Variants in DNM3 observed in about 807,000 individuals in gnomAD.
The protein encoded by DNM3 is dynamin-3.
Under a neutral mutation model 101.6 loss-of-function variants are expected in DNM3, and 47 were observed. The ratio of observed to expected loss-of-function variants is 0.46; its 90% CI spans 0.37 to 0.59. The LOEUF is 0.59. Among genes scored for constraint, DNM3 ranks in the 20% least tolerant of loss-of-function variants. DNM3 has a pLI of 0.00. For synonymous variants in DNM3, 385 were observed against 387.9 expected (o/e 0.99, Z 0.09); for missense variants, 849 against 1,085.7 (o/e 0.78, Z 3.06).
At chr1:172,250,304 A>G (rs1027334530) in intron 14 of DNM3, among the ~76,000 whole-genome samples, 3 of 152,088 alleles carry the variant, frequency 2.0e-5, no homozygotes, top group Non-Finnish European at 4.4e-5. Flanking sequence ...TTGGGAAAAG[A>G]TGTATTTGGA....
At chr1:172,077,704 T>C (rs1405013033) in intron 11 of DNM3, among the ~76,000 whole-genome samples, 40 of 152,172 alleles carry the variant, frequency 2.6e-4, no homozygotes, top group Admixed American at 2.6e-3. Context: ...TCTTTTGCAT[T>C]TGCTGAGGAG....
At chr1:172,112,433 A>G (rs1251746857) in intron 13 of DNM3, among the ~76,000 whole-genome samples, 3 of 152,176 alleles carry the variant, frequency 2.0e-5, no homozygotes, top group Non-Finnish European at 2.9e-5. Context: ...CGTGACTAAT[A>G]TGGTGGAGCT....
At chr1:172,075,687 A>G (rs2052592937) in intron 11 of DNM3, among the ~76,000 whole-genome samples, 1 of 152,148 alleles carries the variant, frequency 6.6e-6, no homozygotes, top group South Asian at 2.1e-4. Flanking sequence ...CGGTTTTGGT[A>G]CCAGTACCAT....
intron 14 of DNM3, among the ~76,000 whole-genome samples, chr1:172,168,965 C>A (rs11584955): frequency 0.22 from 33,376 of 151,814 alleles, 4,818 homozygotes; most frequent in Middle Eastern, 0.34. Flanking sequence ...TTAAGACGAA[C>A]ATGGTCCTTT....
chr1:172,165,382 A>G (rs1170509697), intron 14 of DNM3, among the ~76,000 whole-genome samples: 2 of 152,116 alleles, frequency 1.3e-5, no homozygotes. Context: ...CATGTTTAAT[A>G]TTTATACGCA....
chr1:172,250,072 C>T (rs555929072), intron 14 of DNM3, among the ~76,000 whole-genome samples: 8 of 152,170 alleles, frequency 5.3e-5, no homozygotes, highest in Admixed American at 1.3e-4. Flanking sequence ...CATAAATTTT[C>T]AAATGTAATG....
intron 2 of DNM3, among the ~76,000 whole-genome samples, chr1:171,923,105 T>C (rs555019276): frequency 6.6e-6 from 1 of 152,340 alleles, no homozygotes; most frequent in Non-Finnish European, 1.5e-5. Context: ...CTCTGTTTAA[T>C]TGTTTAAGGA....
chr1:172,361,736 G>A (rs531946595), intron 17 of DNM3, among the ~76,000 whole-genome samples: 217 of 152,046 alleles, frequency 1.4e-3, no homozygotes, highest in Non-Finnish European at 2.5e-3. Context: ...TCTCAGTGTT[G>A]TCTGTGACAT....
chr1:171,935,253 C>T (rs751708169), intron 2 of DNM3, among the ~76,000 whole-genome samples: 12 of 152,082 alleles, frequency 7.9e-5, no homozygotes, highest in Non-Finnish European at 1.3e-4. Flanking sequence ...TCTCCATCTG[C>T]TGTTGTATTA....
chr1:171,934,426 A>G (rs572933407), intron 2 of DNM3, among the ~76,000 whole-genome samples: 4 of 152,208 alleles, frequency 2.6e-5, no homozygotes, highest in Non-Finnish European at 4.4e-5. Context: ...GTATACATTT[A>G]TTATTGTCAA....
intron 4 of DNM3, among the ~76,000 whole-genome samples, chr1:172,008,679 T>G (rs1008204112): frequency 6.7e-6 from 1 of 150,042 alleles, no homozygotes; most frequent in African/African-American, 2.4e-5. Flanking sequence ...TTAGTTTGAA[T>G]GGACTGTCCT....
intron 17 of DNM3, among the ~76,000 whole-genome samples, chr1:172,373,400 C>T (rs1020398009): frequency 9.9e-5 from 15 of 152,128 alleles, no homozygotes; most frequent in African/African-American, 3.4e-4. Context: ...TTTTAAAAAC[C>T]AACATCAGCT....
chr1:172,222,757 A>G (rs902118907), intron 14 of DNM3, among the ~76,000 whole-genome samples: 3 of 152,144 alleles, frequency 2.0e-5, no homozygotes, highest in Non-Finnish European at 4.4e-5. Flanking sequence ...ACTAAATAGA[A>G]CATTAACAGA....
At chr1:172,299,352 T>C (rs1240209774) in intron 15 of DNM3, among the ~76,000 whole-genome samples, 1 of 152,226 alleles carries the variant, frequency 6.6e-6, no homozygotes, top group African/African-American at 2.4e-5. Context: ...CTTCAGAAGA[T>C]CATGAAGATT....
intron 1 of DNM3, among the ~76,000 whole-genome samples, chr1:171,919,263 C>T (rs1441846458): frequency 1.3e-5 from 2 of 152,114 alleles, no homozygotes; most frequent in Admixed American, 6.5e-5. Context: ...CCCATCAACC[C>T]GTCATCTACA....
intron 14 of DNM3, among the ~76,000 whole-genome samples, chr1:172,237,002 A>G (rs1240008290): frequency 6.6e-6 from 1 of 152,160 alleles, no homozygotes; most frequent in Non-Finnish European, 1.5e-5. Flanking sequence ...CGTTTCGCCA[A>G]TATTTCTAAT....
intron 20 of DNM3, among the ~76,000 whole-genome samples, chr1:172,401,674 T>C (rs1055664180): frequency 5.3e-5 from 8 of 152,188 alleles, no homozygotes; most frequent in Non-Finnish European, 1.2e-4. Context: ...CTCCAAGTTC[T>C]GTGTTCTTTC....
intron 13 of DNM3, among the ~76,000 whole-genome samples, chr1:172,094,989 T>C (rs1047155918): frequency 6.6e-5 from 10 of 152,240 alleles, no homozygotes; most frequent in Admixed American, 5.2e-4. Flanking sequence ...CTTTCAGTTA[T>C]ATTACTTCCA....
intron 1 of DNM3, among the ~76,000 whole-genome samples, chr1:171,865,331 C>T (rs926489727): frequency 9.2e-5 from 14 of 151,630 alleles, no homozygotes; most frequent in African/African-American, 2.7e-4. Context: ...GCCTGGGCAA[C>T]GTGGTGAAAC....
Sources: allele counts gnomAD v4.1 joint callset (sites outside exome capture counted in the v4.1 genomes callset), GRCh38; gene constraint gnomAD v4.1.1; transcripts MANE v1.5; gene names NCBI Gene and HGNC (gene_info 2026-07-23, HGNC 2026-07-21).